Variants in NELL1 observed in about 807,000 individuals in gnomAD.
NELL1 encodes protein kinase C-binding protein NELL1.
A neutral mutation model predicts 107.4 loss-of-function variants in NELL1; 76 were observed. The ratio of observed to expected loss-of-function variants is 0.71; its 90% CI spans 0.59 to 0.86. The LOEUF (loss-of-function observed/expected upper bound fraction) is 0.86. Among genes scored for constraint, NELL1 ranks in the 40% least tolerant of loss-of-function variants. The pLI is 0.00. For synonymous variants in NELL1, 353 were observed against 341.2 expected (o/e 1.03, Z -0.38); for missense variants, 1,024 against 1,005.5 (o/e 1.02, Z -0.25).
At chr11:21,416,477 G>C (rs558500114) in intron 15 of NELL1, among the ~76,000 whole-genome samples, 29 of 152,212 alleles carry the variant, frequency 1.9e-4, no homozygotes, top group African/African-American at 6.7e-4. Flanking sequence ...TGAGGAGAAA[G>C]AAATGGGGAA....
At chr11:21,199,086 A>G (rs946656487) in intron 13 of NELL1, among the ~76,000 whole-genome samples, 1 of 152,190 alleles carries the variant, frequency 6.6e-6, no homozygotes, top group African/African-American at 2.4e-5. Flanking sequence ...GGAAAAAAAT[A>G]GGCAAACTCA....
At chr11:21,472,554 G>GTGTCT (rs1854209825) in intron 15 of NELL1, among the ~76,000 whole-genome samples, 1 of 151,892 alleles carries the variant, frequency 6.6e-6, no homozygotes. Flanking sequence ...TACTTGTTAC[G>GTGTCT]TGTCTTGTTA....
chr11:20,732,607 A>G (rs1855672760), intron 2 of NELL1, among the ~76,000 whole-genome samples: 1 of 152,052 alleles, frequency 6.6e-6, no homozygotes, highest in Non-Finnish European at 1.5e-5. Context: ...GCAAGAGGGG[A>G]AAAGTGAGTA....
At chr11:21,247,989 T>G (rs1021182165) in intron 14 of NELL1, among the ~76,000 whole-genome samples, 10 of 152,170 alleles carry the variant, frequency 6.6e-5, no homozygotes, top group Non-Finnish European at 1.3e-4. Context: ...GATGGAGGTA[T>G]AGAGAAATTT....
intron 3 of NELL1, among the ~76,000 whole-genome samples, chr11:20,821,374 T>C (rs1347778407): frequency 6.6e-6 from 1 of 152,172 alleles, no homozygotes; most frequent in African/African-American, 2.4e-5. Flanking sequence ...GTAAGATGTG[T>C]CAAGTGCCTG....
chr11:20,716,030 GA>G (rs528078809), intron 2 of NELL1, among the ~76,000 whole-genome samples: 2 of 152,136 alleles, frequency 1.3e-5, no homozygotes, highest in African/African-American at 4.8e-5. Flanking sequence ...AAATGTAAGT[GA>G]AAAAAAGATT....
intron 15 of NELL1, among the ~76,000 whole-genome samples, chr11:21,393,093 C>T (rs75813957): frequency 1.9e-3 from 279 of 150,636 alleles, no homozygotes; most frequent in African/African-American, 6.7e-3. Context: ...TAAAATACGA[C>T]CAATGGAATG....
intron 14 of NELL1, among the ~76,000 whole-genome samples, chr11:21,362,007 T>G (rs565852113): frequency 6.6e-6 from 1 of 152,330 alleles, no homozygotes; most frequent in South Asian, 2.1e-4. Context: ...TTCTTCTGGG[T>G]TTGGCTCCAT....
Position 21,500,038 on chromosome 11 carries a change from A to G in NELL1, c.1646-34336A>G, listed in dbSNP as rs528600530. Reference sequence around the variant, plus strand: ...AAGAGGCAGTAAAAAGGATACGTTTAAGCTTTATCTTTCTGGAGTCTTTTA... The same window carrying G: ...AAGAGGCAGTAAAAAGGATACGTTTGAGCTTTATCTTTCTGGAGTCTTTTA... On this transcript the variant is annotated intron_variant, in intron 15 of 19. Coordinates refer to ENST00000357134, the MANE Select transcript of NELL1 (RefSeq NM_006157.5). Among the ~76,000 whole-genome samples, 3 of 152,258 alleles carry G rather than the reference A, an allele frequency of 2.0e-5. No individual in the cohort carries two copies. The South Asian group carries it at 6.2e-4, about 32-fold the overall frequency.
In NELL1 at chr11:20,927,345, A is replaced by G. The variant is rs1850520665; in HGVS notation, c.797A>G (p.Asn266Ser). ...YAETRLSQLE[N>S]CHCEKTCQVS... Reference sequence around the variant, plus strand: ...GAGACAAGACTTAGTCAATTGGAAAACTGTCATTGTGAGAAGACTTGTCAA... The same window carrying G: ...GAGACAAGACTTAGTCAATTGGAAAGCTGTCATTGTGAGAAGACTTGTCAA... Residue 266 changes from asparagine to serine, a missense_variant, in exon 8 of 20, where the codon AAC becomes AGC. Coordinates refer to ENST00000357134, the MANE Select transcript of NELL1 (RefSeq NM_006157.5). The G allele has an allele frequency of 1.2e-6, 2 of 1,612,822 alleles. No individual in the cohort carries two copies. The highest frequency in any genetic ancestry group is 1.7e-5 in the Admixed American group (1 of 59,660).
chr11:21,161,000 TACACAC>T (rs72029062), intron 13 of NELL1, among the ~76,000 whole-genome samples: 1,590 of 143,204 alleles, frequency 0.011, 12 homozygotes, highest in East Asian at 0.033. Flanking sequence ...CTAGCCTTTA[TACACAC>T]ACACACACAC....
At chr11:20,882,868 G>C (rs1307202760) in intron 4 of NELL1, among the ~76,000 whole-genome samples, 3 of 152,020 alleles carry the variant, frequency 2.0e-5, no homozygotes, top group African/African-American at 4.8e-5. Flanking sequence ...ATCTCCAACT[G>C]TTGTTCAGCC....
chr11:20,932,745 G>T lies in NELL1; in HGVS notation c.997+4266G>T, dbSNP rs541648325. On this transcript the variant is annotated intron_variant, in intron 9 of 19. Coordinates refer to ENST00000357134, the MANE Select transcript of NELL1 (RefSeq NM_006157.5). ...TTTGGGGGAGCCAAAATAAAGCCCT[G>T]GCAGTCTGGCTTCAGAACCCAGTGG... Among the ~76,000 whole-genome samples, 31 of 152,316 alleles carry T rather than the reference G, an allele frequency of 2.0e-4. No individual in the cohort carries two copies. The South Asian group carries it at 6.2e-3, about 31-fold the overall frequency.
intron 3 of NELL1, among the ~76,000 whole-genome samples, chr11:20,801,859 T>C (rs926101669): frequency 1.3e-5 from 2 of 152,234 alleles, no homozygotes; most frequent in African/African-American, 4.8e-5. Context: ...CAAATGCATG[T>C]TCCTGGCACC....
chr11:21,395,180 G>A (rs989639271), intron 15 of NELL1, among the ~76,000 whole-genome samples: 2 of 151,488 alleles, frequency 1.3e-5, no homozygotes, highest in African/African-American at 2.4e-5. Flanking sequence ...AGTTAGGAAG[G>A]AGAAATCTAG....
chr11:20,723,735 G>C (rs575990327), intron 2 of NELL1, among the ~76,000 whole-genome samples: 1 of 152,116 alleles, frequency 6.6e-6, no homozygotes, highest in African/African-American at 2.4e-5. Flanking sequence ...GACTCTGTGG[G>C]GGGGGGCTCC....
chr11:21,512,886 G>A (rs909601953), intron 15 of NELL1, among the ~76,000 whole-genome samples: 1 of 151,954 alleles, frequency 6.6e-6, no homozygotes, highest in African/African-American at 2.4e-5. Flanking sequence ...ACCTATTACC[G>A]CCAATGCTTG....
chr11:21,399,619 A>T (rs753625938), intron 15 of NELL1, among the ~76,000 whole-genome samples: 1 of 151,866 alleles, frequency 6.6e-6, no homozygotes, highest in Non-Finnish European at 1.5e-5. Flanking sequence ...ATTTAAGCAT[A>T]TATTACTAAT....
intron 2 of NELL1, among the ~76,000 whole-genome samples, chr11:20,775,632 G>A (rs902461546): frequency 1.6e-4 from 25 of 152,300 alleles, no homozygotes; most frequent in African/African-American, 6.0e-4. Context: ...GATTGCTGGT[G>A]GGTGGCAGTG....
Sources: allele counts gnomAD v4.1 joint callset (sites outside exome capture counted in the v4.1 genomes callset), GRCh38; gene constraint gnomAD v4.1.1; transcripts MANE v1.5; gene names NCBI Gene and HGNC (gene_info 2026-07-23, HGNC 2026-07-21).